EPM2A: variants seen among roughly 807,000 people sequenced by gnomAD.
The protein encoded by EPM2A is EPM2A glucan phosphatase, laforin.
EPM2A carries 21 observed loss-of-function variants against 26.5 expected under a neutral mutation model. The ratio of observed to expected loss-of-function variants is 0.79; its 90% CI spans 0.56 to 1.14. EPM2A has a LOEUF of 1.14. Among genes scored for constraint, EPM2A ranks in the 50% most tolerant of loss-of-function variants. EPM2A has a pLI of 0.00. For missense variants in EPM2A, 458 were observed against 440.8 expected (o/e 1.04, Z -0.35); for synonymous variants, 217 against 177.6 (o/e 1.22, Z -1.76).
chr6:145,735,164 C>T, intron 1 of EPM2A, 34 bp downstream of exon 1: 2 of 1,450,018 alleles, frequency 1.4e-6, no homozygotes, highest in Non-Finnish European at 9.2e-7. Context: ...GGAGCTCCCG[C>T]TCTGCGCCGG....
intron 2 of EPM2A, among the ~76,000 whole-genome samples, chr6:145,613,533 G>C (rs1301679526): frequency 1.3e-5 from 2 of 152,162 alleles, no homozygotes; most frequent in Non-Finnish European, 2.9e-5. Flanking sequence ...CACTATGGAA[G>C]TTACAGCTTT....
intron 4 of EPM2A, among the ~76,000 whole-genome samples, chr6:145,487,185 G>A (rs1017503397): frequency 1.3e-5 from 2 of 152,088 alleles, no homozygotes; most frequent in African/African-American, 2.4e-5. Context: ...GCTTTTTTAT[G>A]GCTGCATGGT....
At chr6:145,408,114 G>A (rs901375676) in intron 4 of EPM2A, among the ~76,000 whole-genome samples, 3 of 152,138 alleles carry the variant, frequency 2.0e-5, no homozygotes, top group Middle Eastern at 3.2e-3. Context: ...GAGCCTCAGT[G>A]TCTTGCTGTC....
intron 1 of EPM2A, among the ~76,000 whole-genome samples, chr6:145,730,203 A>T (rs1776417516): frequency 6.6e-6 from 1 of 152,204 alleles, no homozygotes; most frequent in African/African-American, 2.4e-5. Flanking sequence ...CTTTATAGCA[A>T]TGCAAGAACT....
intron 4 of EPM2A, among the ~76,000 whole-genome samples, chr6:145,494,826 A>C (rs1268180346): frequency 6.6e-6 from 1 of 152,146 alleles, no homozygotes; most frequent in East Asian, 1.9e-4. Flanking sequence ...TTCTAATTGC[A>C]TTCATTGTGC....
chr6:145,440,418 C>T (rs1055909464), intron 4 of EPM2A, among the ~76,000 whole-genome samples: 3 of 152,164 alleles, frequency 2.0e-5, no homozygotes, highest in Non-Finnish European at 4.4e-5. Flanking sequence ...ACTGCCAAAC[C>T]ATATAATTGC....
intron 1 of EPM2A, among the ~76,000 whole-genome samples, chr6:145,726,299 G>A (rs1219498062): frequency 5.9e-5 from 9 of 152,036 alleles, no homozygotes; most frequent in East Asian, 3.8e-4. Flanking sequence ...AATAATATCC[G>A]TGAATTCCTA....
At chr6:145,643,392 T>TTA (rs1433395128) in intron 2 of EPM2A, among the ~76,000 whole-genome samples, 12 of 152,314 alleles carry the variant, frequency 7.9e-5, no homozygotes, top group Non-Finnish European at 1.2e-4. Flanking sequence ...ATCTTTATTT[T>TTA]TATTATGGAA....
intron 4 of EPM2A, among the ~76,000 whole-genome samples, chr6:145,440,055 C>G (rs925334211): frequency 3.3e-5 from 5 of 152,276 alleles, no homozygotes; most frequent in African/African-American, 9.6e-5. Flanking sequence ...AGCCCAGAAC[C>G]ATTTATTGAA....
intron 2 of EPM2A, among the ~76,000 whole-genome samples, chr6:145,561,395 C>A (rs916290250): frequency 6.6e-6 from 1 of 152,110 alleles, no homozygotes; most frequent in Non-Finnish European, 1.5e-5. Context: ...TTCTAGGTAG[C>A]TCGGGACTGT....
intron 2 of EPM2A, among the ~76,000 whole-genome samples, chr6:145,673,845 G>A (rs1779829384): frequency 6.6e-6 from 1 of 152,146 alleles, no homozygotes; most frequent in Non-Finnish European, 1.5e-5. Flanking sequence ...CCACCTCTGT[G>A]GGCAGGACAT....
intron 4 of EPM2A, chr6:145,489,755 T>C: frequency 6.9e-7 from 1 of 1,453,492 alleles, no homozygotes; most frequent in South Asian, 1.1e-5. Context: ...CAGCAGCATC[T>C]GCTTGGCTAG....
chr6:145,533,400 C>G (rs1259301885), intron 2 of EPM2A, among the ~76,000 whole-genome samples: 1 of 152,154 alleles, frequency 6.6e-6, no homozygotes, highest in Non-Finnish European at 1.5e-5. Flanking sequence ...CAAAGTAAGT[C>G]TCATAAAATG....
At chr6:145,453,333 A>T (rs1382230465) in intron 4 of EPM2A, among the ~76,000 whole-genome samples, 1 of 152,202 alleles carries the variant, frequency 6.6e-6, no homozygotes, top group Non-Finnish European at 1.5e-5. Context: ...AAAGATTCTC[A>T]TCATTTAAAG....
At chr6:145,591,350 C>T (rs558043001) in intron 2 of EPM2A, among the ~76,000 whole-genome samples, 9 of 152,118 alleles carry the variant, frequency 5.9e-5, no homozygotes, top group Admixed American at 1.3e-4. Flanking sequence ...ACATCAAGGA[C>T]GGTCAGAAAT....
At chr6:145,647,683 G>C (rs1319529250) in intron 2 of EPM2A, among the ~76,000 whole-genome samples, 1 of 151,832 alleles carries the variant, frequency 6.6e-6, no homozygotes, top group African/African-American at 2.4e-5. Flanking sequence ...AAGGCAGGAA[G>C]GAAGGAAGGG....
At chr6:145,707,747 T>A (rs1219203927) in intron 1 of EPM2A, among the ~76,000 whole-genome samples, 3 of 152,106 alleles carry the variant, frequency 2.0e-5, no homozygotes, top group African/African-American at 7.2e-5. Context: ...AATTACTGAG[T>A]CTCAGGTATA....
intron 4 of EPM2A, chr6:145,490,934 G>A: frequency 1.3e-6 from 1 of 771,530 alleles, no homozygotes; most frequent in East Asian, 3.8e-5. Flanking sequence ...TGTGTTCTGT[G>A]TGTACTTTAT....
At chr6:145,427,477 T>G (rs912868489) in intron 4 of EPM2A, among the ~76,000 whole-genome samples, 1 of 152,042 alleles carries the variant, frequency 6.6e-6, no homozygotes, top group Non-Finnish European at 1.5e-5. Flanking sequence ...TGGTAAGAGA[T>G]AAGATTATCA....
Sources: gnomAD v4.1 joint callset for allele counts (sites outside exome capture counted in the v4.1 genomes callset) on GRCh38, gnomAD v4.1.1 for gene constraint, MANE v1.5 for transcripts, NCBI Gene and HGNC (gene_info 2026-07-23, HGNC 2026-07-21) for gene names.